Variants in SPNS1 observed in about 807,000 individuals in gnomAD.
The protein encoded by SPNS1 is SPNS lysolipid transporter 1, lysophospholipid, also known as protein spinster homolog 1.
SPNS1 carries 22 observed loss-of-function variants against 50.3 expected under a neutral mutation model. The observed-to-expected ratio is 0.44, with a 90% CI of 0.31 to 0.62. SPNS1 has a LOEUF of 0.62. Ranked by LOEUF, SPNS1 falls within the 20% of genes least tolerant of loss-of-function variation. The pLI is 0.07. For missense variants in SPNS1, 576 were observed against 728.6 expected, an observed-to-expected ratio of 0.79 and a Z score of 2.41; for synonymous variants, 295 against 317.4, an observed-to-expected ratio of 0.93 and a Z score of 0.75.
chr16:28,979,123 G>C, intron 3 of SPNS1, 32 bp from the exon 4 acceptor site: 1 of 1,602,420 alleles, frequency 6.2e-7, no homozygotes, highest in South Asian at 1.1e-5. Context: ...TTGCAGGCTG[G>C]GGTGCCACCT....
intron 4 of SPNS1, 35 bp from the exon 5 acceptor site, chr16:28,979,370 C>T (rs1330810095): frequency 1.9e-6 from 3 of 1,613,940 alleles, no homozygotes; most frequent in African/African-American, 2.7e-5. Flanking sequence ...GACTGACTGG[C>T]TGTCCCCCCT....
At position 28,984,382 on chromosome 16, in the gene SPNS1, C is replaced by T. The variant is rs1361354215; in HGVS notation, c.*83C>T. The T allele has an allele frequency of 7.3e-7, 1 of 1,377,840 alleles. No homozygotes were observed. The highest frequency in any genetic ancestry group is 1.2e-5 in the South Asian group (1 of 82,886). 85.4% of individuals were successfully genotyped at this position (1,377,840 alleles called of 1,614,324 possible). ...GAAGGGCCTGGGCCTAACCCCTTGG[C>T]CTGGCCCAGCTTCCAGAGGGACCCT... On this transcript the variant is annotated 3_prime_UTR_variant, in exon 12 of 12. Coordinates refer to ENST00000311008, the MANE Select transcript of SPNS1 (RefSeq NM_032038.3).
In SPNS1 at chr16:28,983,970, C is replaced by A; in HGVS notation, c.1492+13C>A. ...CTGCACGTGCAGGGTCAGTTAGGAG[C>A]TGTGCCCGGCCCAGCTTCTTGATCT... On this transcript the variant is annotated intron_variant, in intron 11 of 11. Transcript: ENST00000311008. The surrounding 1 kb of genome is among the most constrained non-coding windows in gnomAD (Gnocchi z 5.4). The A allele has an allele frequency of 6.5e-7, 1 of 1,546,780 alleles. No homozygotes were observed.
At chr16:28,978,073 G>A (rs761844642) in intron 3 of SPNS1, 29 bp downstream of exon 3, 3 of 1,605,752 alleles carry the variant, frequency 1.9e-6, no homozygotes, top group Non-Finnish European at 2.6e-6. Flanking sequence ...TCCTGTTTCT[G>A]CCCACACCCC....
In SPNS1 at chr16:28,974,843, T is replaced by G. The variant is rs1456341097; in HGVS notation, c.-309T>G. 3.3e-6 allele frequency: 5 copies of G among 1,535,476 alleles called. No homozygotes were observed. In the African/African-American group the frequency reaches 4.1e-5, roughly 13 times the overall value. On this transcript the variant is annotated 5_prime_UTR_variant, in exon 1 of 12. Coordinates refer to ENST00000311008, the MANE Select transcript of SPNS1 (RefSeq NM_032038.3). ...AGCGCCCGGGCTGAGCGACAGCAAG[T>G]GCAGCGGGCTCCTACCCCGGGTGAG...
Position 28,981,465 on chromosome 16 carries a change from C to G in SPNS1, c.664-5C>G. The G allele has an allele frequency of 6.2e-7, 1 of 1,613,948 alleles. No homozygotes were observed. The highest frequency in any genetic ancestry group is 8.5e-7 in the Non-Finnish European group (1 of 1,179,932). On this transcript the variant is annotated splice_polypyrimidine_tract_variant and splice_region_variant and intron_variant, in intron 5 of 11. Coordinates refer to ENST00000311008, the MANE Select transcript of SPNS1 (RefSeq NM_032038.3). This position sits in a 1 kb window ranked among gnomAD's most constrained non-coding sequence, Gnocchi z 4.2. ...GTGCCTATCCTGAAGCCCTCTGTCT[C>G]CCAGGTGACACCGGGTCTAGGAGTG... is the stretch of plus-strand genomic sequence containing the variant.
chr16:28,982,176 G>A, intron 7 of SPNS1, 120 bp downstream of exon 7: 3 of 1,404,156 alleles, frequency 2.1e-6, no homozygotes, highest in South Asian at 1.3e-5. Flanking sequence ...CTGCTCTCCT[G>A]GAATCTCCGT....
intron 7 of SPNS1, 31 bp from the exon 8 acceptor site, chr16:28,982,325 C>G (rs776761886): frequency 2.0e-6 from 3 of 1,500,588 alleles, no homozygotes; most frequent in Non-Finnish European, 2.7e-6. Flanking sequence ...GGCACAGGGA[C>G]AAACCCCCCA....
rs747439551 is a variant in SPNS1 at position 28,975,364 on chromosome 16, G to T, written c.213G>T (p.Leu71=). The change falls in exon 1 of 12, where the codon CTG becomes CTT. Residue 71 remains leucine (L), a synonymous_variant. Coordinates refer to ENST00000311008, the MANE Select transcript of SPNS1 (RefSeq NM_032038.3). ...CGGTGCTGTGCTACATCAATCTCCT[G>T]AACTACATGGACCGCTTCACCGTGG... ...IVAVLCYINL[L]NYMDRFTVAG... 23 of 1,604,286 alleles carry T rather than the reference G, an allele frequency of 1.4e-5. No homozygotes were observed. Among genetic ancestry groups the T allele is most frequent in the Non-Finnish European group, 2.0e-5 (23 of 1,173,756 alleles).
chr16:28,976,021 C>T (rs1567520719), intron 2 of SPNS1, among the ~76,000 whole-genome samples: 1 of 152,182 alleles, frequency 6.6e-6, no homozygotes, highest in Admixed American at 6.5e-5. Context: ...CCTGTAGTCC[C>T]AGCACTTTGG....
chr16:28,984,110 G>A (rs1965668188), intron 11 of SPNS1, 95 bp from the exon 12 acceptor site: 1 of 1,447,012 alleles, frequency 6.9e-7, no homozygotes, highest in Non-Finnish European at 9.3e-7. Flanking sequence ...GTGGCTCTGT[G>A]GCTGCCCCAT....
At position 28,977,799 on chromosome 16, in the gene SPNS1, A is replaced by C. The variant is rs993677973; in HGVS notation, c.308-109A>C. Reference sequence around the variant, plus strand: ...AGGCTGGGATGTGGGGGTGTTGTGAATTCTGTAAGGAGAAGGCAGGCATCT... The same window carrying C: ...AGGCTGGGATGTGGGGGTGTTGTGACTTCTGTAAGGAGAAGGCAGGCATCT... On this transcript the variant is annotated intron_variant, in intron 2 of 11. Transcript: ENST00000311008. The C allele has an allele frequency of 6.3e-6, 9 of 1,426,660 alleles. No homozygotes were observed. The African/African-American group carries it at 8.5e-5, about 13-fold the overall frequency. The allele number at this position is 1,426,660 out of a possible 1,614,324, so 88.4% of individuals were successfully genotyped here.
chr16:28,982,722 A>G, intron 8 of SPNS1, 135 bp from the exon 9 acceptor site: 1 of 1,226,184 alleles, frequency 8.2e-7, no homozygotes, highest in Admixed American at 1.8e-5. Context: ...CATGTGTAAA[A>G]TGGGGATATT....
At chr16:28,984,087 A>C in intron 11 of SPNS1, 118 bp from the exon 12 acceptor site, 2 of 1,439,804 alleles carry the variant, frequency 1.4e-6, no homozygotes, top group Non-Finnish European at 1.9e-6. Context: ...GTCTGTCTGC[A>C]TCCACCCCTG....
chr16:28,979,582 G>A (rs1965472807), intron 5 of SPNS1, 111 bp downstream of exon 5: 1 of 1,159,506 alleles, frequency 8.6e-7, no homozygotes, highest in South Asian at 1.3e-5. Flanking sequence ...ACAGGGTCTT[G>A]TTGTGTCACC....
Position 28,975,145 on chromosome 16 carries a change from C to A in SPNS1, c.-7C>A. The A allele has an allele frequency of 6.7e-7, 1 of 1,483,372 alleles. No homozygotes were observed. Among genetic ancestry groups the A allele is most frequent in the South Asian group, 1.3e-5 (1 of 77,564 alleles). The allele number at this position is 1,483,372 out of a possible 1,614,324, so 91.9% of individuals were successfully genotyped here. On this transcript the variant is annotated 5_prime_UTR_variant, in exon 1 of 12. Transcript: ENST00000311008. ...CGGAGCGCGGGCGGGCGCGGCCCCC[C>A]GGGACCATGGCCGGGTCCGACACCG...
chr16:28,975,601 G>C, intron 2 of SPNS1, 44 bp downstream of exon 2: 2 of 1,610,076 alleles, frequency 1.2e-6, no homozygotes, highest in African/African-American at 2.7e-5. Flanking sequence ...TCCTCCTTCT[G>C]TTCTGTCTCA....
intron 8 of SPNS1, 52 bp downstream of exon 8, chr16:28,982,597 G>A (rs777531869): frequency 7.8e-6 from 12 of 1,543,186 alleles, no homozygotes; most frequent in Non-Finnish European, 1.1e-5. Flanking sequence ...GGGTGGAGGA[G>A]CAGTCAGCGT....
In SPNS1 at chr16:28,974,901, A is replaced by G; in HGVS notation, c.-251A>G. On this transcript the variant is annotated 5_prime_UTR_variant, in exon 1 of 12. Coordinates refer to ENST00000311008, the MANE Select transcript of SPNS1 (RefSeq NM_032038.3). ...CTCCGCGTGGGATCGTGCCCTCTTC[A>G]GCCCGCTCCTGTCCCCGACATCACG... The G allele has an allele frequency of 6.5e-7, 1 of 1,528,180 alleles. No homozygotes were observed. Among genetic ancestry groups the G allele is most frequent in the Non-Finnish European group, 8.8e-7 (1 of 1,142,246 alleles). The allele number at this position is 1,528,180 out of a possible 1,614,324, so 94.7% of individuals were successfully genotyped here. A position where few individuals can be genotyped will look rare whatever the true frequency, so the allele number is the denominator to read the frequency against.
Sources: allele counts gnomAD v4.1 joint callset (sites outside exome capture counted in the v4.1 genomes callset), GRCh38; gene constraint gnomAD v4.1.1; non-coding constraint Gnocchi (gnomAD v3.1); transcripts MANE v1.5; gene names NCBI Gene and HGNC (gene_info 2026-07-23, HGNC 2026-07-21).